Variants in YWHAZ observed in about 807,000 individuals in gnomAD.
The protein encoded by YWHAZ is tyrosine 3-monooxygenase/tryptophan 5-monooxygenase activation protein zeta.
For missense variants in YWHAZ, 79 were observed against 284.8 expected, an observed-to-expected ratio of 0.28 and a Z score of 5.20; for synonymous variants, 87 against 103.6, an observed-to-expected ratio of 0.84 and a Z score of 0.97.
upstream of YWHAZ, chr8:100,953,199 G>A: frequency 1.0e-6 from 1 of 985,088 alleles, no homozygotes; most frequent in Non-Finnish European, 1.2e-6. Context: ...CCCGTTTCTC[G>A]TAGGCTAGGT....
chr8:100,943,284 G>C (rs1810005870), intron 2 of YWHAZ, among the ~76,000 whole-genome samples: 1 of 152,158 alleles, frequency 6.6e-6, no homozygotes, highest in Admixed American at 6.5e-5. Context: ...ATGGGAACTA[G>C]AATGAAATCA....
upstream of YWHAZ, chr8:100,952,534 T>C (rs1211347077): frequency 1.3e-5 from 2 of 157,128 alleles, no homozygotes; most frequent in Non-Finnish European, 2.8e-5. Context: ...GGGGCTCCCG[T>C]TCAGCAACAT....
intron 2 of YWHAZ, among the ~76,000 whole-genome samples, chr8:100,932,324 T>G (rs565220741): frequency 5.9e-5 from 9 of 152,214 alleles, no homozygotes; most frequent in African/African-American, 1.9e-4. Context: ...AAAAACCACC[T>G]TAGCTCTGAA....
chr8:100,951,869 C>T (rs1428656288), intron 1 of YWHAZ, 60 bp downstream of exon 1: 3 of 989,034 alleles, frequency 3.0e-6, no homozygotes, highest in Admixed American at 1.2e-4. Context: ...ACGGCTCCCA[C>T]GCGTTCGGAA....
At position 100,951,566 on chromosome 8, in the gene YWHAZ, G is replaced by C. The variant is rs544488159; in HGVS notation, c.-12+363C>G. On this transcript the variant is annotated intron_variant, in intron 1 of 5. Transcript: ENST00000395958. Reference sequence around the variant, plus strand: ...GCCCGCAGAGACAAGGGTGGGGATGGATCGCGGCCGGCGGCGCCCCGGCCA... The same window carrying C: ...GCCCGCAGAGACAAGGGTGGGGATGCATCGCGGCCGGCGGCGCCCCGGCCA... 6 of 985,410 alleles carry C rather than the reference G, an allele frequency of 6.1e-6. No individual in the cohort carries two copies. The African/African-American group carries it at 8.7e-5, about 14-fold the overall frequency. 61.0% of individuals were successfully genotyped at this position (985,410 alleles called of 1,614,324 possible).
rs182781718 is a variant in YWHAZ, at chr8:100,918,932, A to C, written c.*1761T>G. ...TTGGGTATAACTTAGCCCCATCATT[A>C]TTTAGAGAATAGAGGAGGAAGAAAG... On this transcript the variant is annotated 3_prime_UTR_variant, in exon 6 of 6. Coordinates refer to ENST00000395958, the MANE Select transcript of YWHAZ (RefSeq NM_145690.3). The C allele has an allele frequency of 6.5e-6, 1 of 152,708 alleles. No homozygotes were observed. Among genetic ancestry groups the C allele is most frequent in the East Asian group, 1.9e-4 (1 of 5,188 alleles). 9.5% of individuals were successfully genotyped at this position (152,708 alleles called of 1,614,324 possible).
At chr8:100,931,860 G>T (rs1329535694) in intron 2 of YWHAZ, among the ~76,000 whole-genome samples, 3 of 152,132 alleles carry the variant, frequency 2.0e-5, no homozygotes, top group Non-Finnish European at 4.4e-5. Flanking sequence ...AGGAAAAATG[G>T]TGAAGTAGGA....
chr8:100,951,827 G>A, intron 1 of YWHAZ, 102 bp downstream of exon 1: 1 of 985,592 alleles, frequency 1.0e-6, no homozygotes, highest in Non-Finnish European at 1.2e-6. Flanking sequence ...CCGCCACCGC[G>A]GGGCGAGTGG....
intron 5 of YWHAZ, among the ~76,000 whole-genome samples, chr8:100,921,769 T>C (rs1265341067): frequency 2.0e-5 from 3 of 152,334 alleles, no homozygotes; most frequent in South Asian, 2.1e-4. Flanking sequence ...AGTTGTCCCA[T>C]AGGTGGCAGG....
In YWHAZ at chr8:100,918,184, A is replaced by C. The variant is rs1167030993; in HGVS notation, c.*2509T>G. On this transcript the variant is annotated 3_prime_UTR_variant, in exon 6 of 6. Coordinates refer to ENST00000395958, the MANE Select transcript of YWHAZ (RefSeq NM_145690.3). ...ATGGTGAAACCCTGTCTCTACTAAA[A>C]ACACAAAAATTAGCCAGGTGTGGTG... 1.3e-5 allele frequency: 2 copies of C among 150,968 alleles called. No individual in the cohort carries two copies. The highest frequency in any genetic ancestry group is 1.3e-4 in the Admixed American group (2 of 15,116). 9.4% of individuals were successfully genotyped at this position (150,968 alleles called of 1,614,324 possible). A position where few individuals can be genotyped will look rare whatever the true frequency, so the allele number is the denominator to read the frequency against.
intron 2 of YWHAZ, among the ~76,000 whole-genome samples, chr8:100,925,830 T>C (rs2130130817): frequency 6.6e-6 from 1 of 152,304 alleles, no homozygotes; most frequent in South Asian, 2.1e-4. Flanking sequence ...GATTAGATCA[T>C]TGTGTTGGGG....
Position 100,948,346 on chromosome 8 carries a change from AAATAC to A in YWHAZ, c.294+245_294+249del, listed in dbSNP as rs1247398671. Among the ~76,000 whole-genome samples the A allele has an allele frequency of 6.6e-6, 1 of 152,236 alleles. No homozygotes were observed. Among genetic ancestry groups the A allele is most frequent in the Non-Finnish European group, 1.5e-5 (1 of 68,042 alleles). ...TTAGTTTATATTTTCAATTAATATA[AAATAC>A]AATACTAAAGTCTGTTATTTTTAAC... On this transcript the variant is annotated intron_variant, in intron 2 of 5. Transcript: ENST00000395958. This position sits in a 1 kb window ranked among gnomAD's most constrained non-coding sequence, Gnocchi z 4.2.
intron 2 of YWHAZ, among the ~76,000 whole-genome samples, chr8:100,939,023 T>C (rs1814416045): frequency 6.6e-6 from 1 of 152,260 alleles, no homozygotes; most frequent in Admixed American, 6.5e-5. Context: ...TTTCCATTAA[T>C]AGATGGCAAA....
intron 2 of YWHAZ, chr8:100,934,733 T>C (rs1814018455): frequency 6.6e-6 from 1 of 152,106 alleles, no homozygotes; most frequent in Admixed American, 6.6e-5. Context: ...ACATAAGATA[T>C]ACATCAAAGT....
At position 100,923,982 on chromosome 8, in the gene YWHAZ, T is replaced by C; in HGVS notation, c.651A>G (p.Ile217Met). Reference sequence around the variant, plus strand: ...TCAAGTTGTCTCTCAGTAATTGCATTATTAGCGTGCTGTCTTTGTATGACT... The same window carrying C: ...TCAAGTTGTCTCTCAGTAATTGCATCATTAGCGTGCTGTCTTTGTATGACT... The part of the protein sequence containing the change: ...SEESYKDSTL[I>M]MQLLRDNLTL... Residue 217 changes from isoleucine to methionine, a missense_variant, in exon 5 of 6, where the codon ATA becomes ATG. By Grantham distance (10) the Ile-to-Met change is conservative. Coordinates refer to ENST00000395958, the MANE Select transcript of YWHAZ (RefSeq NM_145690.3). 6.2e-7 allele frequency: 1 copy of C among 1,612,726 alleles called. No individual in the cohort carries two copies. Among genetic ancestry groups the C allele is most frequent in the Non-Finnish European group, 8.5e-7 (1 of 1,179,594 alleles).
At chr8:100,931,100 T>A (rs1249399735) in intron 2 of YWHAZ, among the ~76,000 whole-genome samples, 1 of 152,212 alleles carries the variant, frequency 6.6e-6, no homozygotes, top group Admixed American at 6.5e-5. Flanking sequence ...CGTAGTATAA[T>A]TAACCTCTTA....
rs1315304805 is a variant in YWHAZ, at chr8:100,924,337, G to A, written c.419-39C>T. 3.2e-6 allele frequency: 5 copies of A among 1,584,672 alleles called. No individual in the cohort carries two copies. Among genetic ancestry groups the A allele is most frequent in the South Asian group, 1.2e-5 (1 of 86,806 alleles). On this transcript the variant is annotated intron_variant, in intron 3 of 5. Transcript: ENST00000395958. The surrounding 1 kb of genome is among the most constrained non-coding windows in gnomAD (Gnocchi z 5.7). Reference sequence around the variant, plus strand: ...ACCAAAACGTACTGAGATAAAGTGTGCATTATATCTTCACCCCTCAAACCA... The same window carrying A: ...ACCAAAACGTACTGAGATAAAGTGTACATTATATCTTCACCCCTCAAACCA...
At position 100,919,785 on chromosome 8, in the gene YWHAZ, A is replaced by G. The variant is rs917874228; in HGVS notation, c.*908T>C. On this transcript the variant is annotated 3_prime_UTR_variant, in exon 6 of 6. Transcript: ENST00000395958. ...TGCTTGGATTGTTCATGAAAATTTC[A>G]TAAGACATTAAACAAAGCTAGCCAT... The G allele has an allele frequency of 3.9e-5, 6 of 152,532 alleles. No individual in the cohort carries two copies. Among genetic ancestry groups the G allele is most frequent in the Non-Finnish European group, 7.4e-5 (5 of 68,020 alleles). The allele number at this position is 152,532 out of a possible 1,614,324, so 9.4% of individuals were successfully genotyped here.
chr8:100,931,216 G>A (rs1329821287), intron 2 of YWHAZ, among the ~76,000 whole-genome samples: 1 of 152,150 alleles, frequency 6.6e-6, no homozygotes, highest in African/African-American at 2.4e-5. Context: ...TTACAATGAT[G>A]TTTTGTCTTT....
Sources: gnomAD v4.1 joint callset for allele counts (sites outside exome capture counted in the v4.1 genomes callset) on GRCh38, gnomAD v4.1.1 for gene constraint, Gnocchi (gnomAD v3.1) non-coding constraint, MANE v1.5 for transcripts, NCBI Gene and HGNC (gene_info 2026-07-23, HGNC 2026-07-21) for gene names.